MITF: variants seen among roughly 807,000 people sequenced by gnomAD.
MITF encodes microphthalmia-associated transcription factor.
In MITF, 17 loss-of-function variants were observed where a neutral mutation model predicts 60.5. The observed-to-expected ratio is 0.28, with a 90% confidence interval of 0.19 to 0.42. The LOEUF (loss-of-function observed/expected upper bound fraction) is 0.42, where lower values mean the gene tolerates loss of function less well. Among genes scored for constraint, MITF ranks in the 10% least tolerant of loss-of-function variants. The probability of loss-of-function intolerance (pLI) is 1.00; values close to 1 mark genes in which losing one functional copy is unlikely to be tolerated. For missense variants in MITF, 622 were observed against 683.5 expected (o/e 0.91, Z 1.00); for synonymous variants, 260 against 248.5 (o/e 1.05, Z -0.43).
chr3:69,806,016 T>C (rs1014210300), intron 1 of MITF, among the ~76,000 whole-genome samples: 1 of 152,092 alleles, frequency 6.6e-6, no homozygotes, highest in Non-Finnish European at 1.5e-5. Context: ...GTCCATTTAA[T>C]ATAGACTAAT....
intron 2 of MITF, chr3:69,936,784 C>G: frequency 6.3e-7 from 1 of 1,598,110 alleles, no homozygotes; most frequent in Non-Finnish European, 8.6e-7. Context: ...CATATTCAGT[C>G]TTTGAAATAT....
intron 1 of MITF, among the ~76,000 whole-genome samples, chr3:69,780,396 C>A (rs993456782): frequency 3.9e-5 from 6 of 152,178 alleles, no homozygotes; most frequent in Non-Finnish European, 1.5e-5. Flanking sequence ...AATGAGCAGT[C>A]ATCTGTGAGC....
At chr3:69,938,926 C>G in intron 3 of MITF, 172 bp from the exon 4 acceptor site, 1 of 1,494,188 alleles carries the variant, frequency 6.7e-7, no homozygotes, top group Non-Finnish European at 8.9e-7. Flanking sequence ...TGTCATCTAG[C>G]AAGATGATTT....
chr3:69,758,466 C>A (rs2062163550), intron 1 of MITF, among the ~76,000 whole-genome samples: 1 of 152,152 alleles, frequency 6.6e-6, no homozygotes, highest in Admixed American at 6.5e-5. Context: ...CCTCTGTGCC[C>A]AGCCTGGAAA....
At chr3:69,789,913 GTA>G (rs139296854) in intron 1 of MITF, among the ~76,000 whole-genome samples, 73 of 147,658 alleles carry the variant, frequency 4.9e-4, no homozygotes, top group Admixed American at 5.4e-4. Flanking sequence ...TTGTGTGCAT[GTA>G]TATATATATA....
At chr3:69,917,728 A>C (rs1446411012) in intron 2 of MITF, among the ~76,000 whole-genome samples, 2 of 152,054 alleles carry the variant, frequency 1.3e-5, no homozygotes, top group East Asian at 3.9e-4. Flanking sequence ...CTGTACTCTC[A>C]GAGGTTAAAC....
intron 2 of MITF, among the ~76,000 whole-genome samples, chr3:69,891,847 A>T (rs2064766449): frequency 6.6e-6 from 1 of 152,170 alleles, no homozygotes; most frequent in African/African-American, 2.4e-5. Flanking sequence ...CCTAATAGCT[A>T]TTTAGGGTAT....
chr3:69,963,058 A>G (rs1000179683), intron 9 of MITF, among the ~76,000 whole-genome samples: 3 of 152,222 alleles, frequency 2.0e-5, no homozygotes, highest in Non-Finnish European at 4.4e-5. Flanking sequence ...CACCAGTCCT[A>G]TTGGGTTTAG....
rs2066723760 is a variant in MITF, at chr3:69,967,710, TTTTA to T, written c.*2470_*2473del. 1 of 232,744 alleles carries T rather than the reference TTTTA, an allele frequency of 4.3e-6. No homozygotes were observed. The highest frequency in any genetic ancestry group is 5.6e-5 in the Admixed American group (1 of 17,746). The allele number at this position is 232,744 out of a possible 1,614,324, so 14.4% of individuals were successfully genotyped here. On this transcript the variant is annotated 3_prime_UTR_variant, in exon 10 of 10. Transcript: ENST00000352241. ...GAGAATGCTGCAATCTTGGGGGTGGTTTTATTTATTTCTTTTTTGCCAAATAGAG... is the reference window on the plus strand; with the variant it reads ...GAGAATGCTGCAATCTTGGGGGTGGTTTTATTTCTTTTTTGCCAAATAGAG...
chr3:69,778,463 G>A (rs540688893), intron 1 of MITF, among the ~76,000 whole-genome samples: 2 of 152,170 alleles, frequency 1.3e-5, no homozygotes, highest in Non-Finnish European at 2.9e-5. Flanking sequence ...CATACAAGAA[G>A]CCCAGGGCTC....
chr3:69,946,447 C>T (rs2066098446), intron 5 of MITF, among the ~76,000 whole-genome samples: 1 of 152,146 alleles, frequency 6.6e-6, no homozygotes, highest in African/African-American at 2.4e-5. Context: ...CTCCCCACCC[C>T]CAGTTCTGCT....
chr3:69,943,561 TATA>T (rs2066021171), intron 5 of MITF, among the ~76,000 whole-genome samples: 3 of 152,166 alleles, frequency 2.0e-5, no homozygotes. Flanking sequence ...ACTTATTAAT[TATA>T]ATATCAAATA....
intron 1 of MITF, among the ~76,000 whole-genome samples, chr3:69,808,193 G>T (rs62251012): frequency 0.5 from 75,307 of 149,686 alleles, 20,605 homozygotes; most frequent in Non-Finnish European, 0.63. Flanking sequence ...TCATTAATAA[G>T]TCAATCAATT....
intron 2 of MITF, among the ~76,000 whole-genome samples, chr3:69,907,183 G>T (rs2065118040): frequency 6.6e-6 from 1 of 152,084 alleles, no homozygotes; most frequent in Non-Finnish European, 1.5e-5. Context: ...GAATGAAAGG[G>T]ATTCAAACTT....
At chr3:69,930,696 G>T (rs572582433) in intron 2 of MITF, among the ~76,000 whole-genome samples, 20 of 152,352 alleles carry the variant, frequency 1.3e-4, no homozygotes, top group Middle Eastern at 3.4e-3. Flanking sequence ...CTTGCTGCTC[G>T]GGATGTAGTG....
chr3:69,745,364 G>T (rs1467150140), intron 1 of MITF, among the ~76,000 whole-genome samples: 2 of 152,108 alleles, frequency 1.3e-5, no homozygotes, highest in Admixed American at 1.3e-4. Context: ...TGTGGTGAGG[G>T]AAAGAGAACT....
rs527348598 is a variant in MITF, at chr3:69,813,070, A to G, written c.105-66064A>G. Among the ~76,000 whole-genome samples the G allele has an allele frequency of 5.3e-5, 8 of 152,272 alleles. No homozygotes were observed. The South Asian group carries it at 1.7e-3, about 32-fold the overall frequency. ...ACTTACAATGTACTATTCCAATTAT[A>G]CAATTGGAATAGAAAGGGTGTCAAG... On this transcript the variant is annotated intron_variant, in intron 1 of 9. Transcript: ENST00000352241.
At chr3:69,920,549 A>C (rs565763660) in intron 2 of MITF, among the ~76,000 whole-genome samples, 50 of 152,208 alleles carry the variant, frequency 3.3e-4, no homozygotes, top group African/African-American at 1.2e-3. Context: ...ATGCAGAAAT[A>C]ATGGCGTAAG....
chr3:69,787,090 G>C (rs2062662488), intron 1 of MITF, among the ~76,000 whole-genome samples: 1 of 152,188 alleles, frequency 6.6e-6, no homozygotes, highest in Non-Finnish European at 1.5e-5. Flanking sequence ...GAGAGAGATT[G>C]ATTTCTGGGA....
Sources: allele counts gnomAD v4.1 joint callset (sites outside exome capture counted in the v4.1 genomes callset), GRCh38; gene constraint gnomAD v4.1.1; transcripts MANE v1.5; gene names NCBI Gene and HGNC (gene_info 2026-07-23, HGNC 2026-07-21).